Variants in TMTC2 observed in about 807,000 individuals in gnomAD.
The protein encoded by TMTC2 is protein O-mannosyl-transferase TMTC2.
TMTC2 carries 43 observed loss-of-function variants against 82.4 expected under a neutral mutation model. The ratio of observed to expected loss-of-function variants is 0.52; its 90% CI spans 0.41 to 0.67. The LOEUF (loss-of-function observed/expected upper bound fraction) is 0.67, where lower values mean the gene tolerates loss of function less well. TMTC2 is among the 30% of genes least tolerant of loss of function. The pLI, the probability that TMTC2 is intolerant of heterozygous loss-of-function variation, is 0.00. For missense variants in TMTC2, 919 were observed against 1,012.4 expected (o/e 0.91, Z 1.25); for synonymous variants, 408 against 381.9 (o/e 1.07, Z -0.80).
chr12:82,725,490 AG>A (rs1319901610), intron 1 of TMTC2, among the ~76,000 whole-genome samples: 2 of 152,250 alleles, frequency 1.3e-5, no homozygotes, highest in Non-Finnish European at 2.9e-5. Context: ...TATCATAAAA[AG>A]AAAAATAAAA....
chr12:83,025,645 A>G (rs2137413398), intron 8 of TMTC2, among the ~76,000 whole-genome samples: 1 of 152,182 alleles, frequency 6.6e-6, no homozygotes, highest in South Asian at 2.1e-4. Flanking sequence ...AGTCTCACAA[A>G]ACTGCTGCCC....
intron 3 of TMTC2, among the ~76,000 whole-genome samples, chr12:82,917,747 C>T (rs375378596): frequency 4.9e-4 from 75 of 151,814 alleles, no homozygotes; most frequent in Middle Eastern, 3.4e-3. Context: ...GACTACAGGC[C>T]CCTGCCACCA....
intron 8 of TMTC2, among the ~76,000 whole-genome samples, chr12:83,021,124 T>C (rs12303943): frequency 0.015 from 2,353 of 152,290 alleles, 61 homozygotes; most frequent in African/African-American, 0.054. Flanking sequence ...TGTAAGTGGG[T>C]AAGTTTTTTG....
chr12:83,089,240 G>A (rs766258370), intron 11 of TMTC2, among the ~76,000 whole-genome samples: 18 of 152,050 alleles, frequency 1.2e-4, no homozygotes, highest in Admixed American at 5.2e-4. Context: ...GCATCCGTTC[G>A]TTTGTACTAT....
Position 83,037,529 on chromosome 12 carries a change from G to T in TMTC2, c.2152+6650G>T, listed in dbSNP as rs375168815. On this transcript the variant is annotated intron_variant, in intron 9 of 11. Coordinates refer to ENST00000321196, the MANE Select transcript of TMTC2 (RefSeq NM_152588.3). ...TGTTTTTTAAAAAAATCAATGTTTAGTGTCCCTTTAATGCTCTAAGAAGAG... is the reference window on the plus strand; with the variant it reads ...TGTTTTTTAAAAAAATCAATGTTTATTGTCCCTTTAATGCTCTAAGAAGAG... Among the ~76,000 whole-genome samples the T allele has an allele frequency of 1.4e-4, 22 of 152,212 alleles. No individual in the cohort carries two copies. The South Asian group carries it at 4.6e-3, about 32-fold the overall frequency.
chr12:83,069,821 G>T (rs1883048203), intron 11 of TMTC2, among the ~76,000 whole-genome samples: 1 of 151,494 alleles, frequency 6.6e-6, no homozygotes, highest in Non-Finnish European at 1.5e-5. Flanking sequence ...TATAGTTTCA[G>T]GTCTTAGGTT....
chr12:83,078,945 A>G (rs2137501021), intron 11 of TMTC2, among the ~76,000 whole-genome samples: 1 of 152,302 alleles, frequency 6.6e-6, no homozygotes, highest in Admixed American at 6.5e-5. Flanking sequence ...TTATTTGGAA[A>G]GTAAATTGTT....
chr12:83,027,133 C>A (rs969733186), intron 8 of TMTC2, among the ~76,000 whole-genome samples: 2 of 151,956 alleles, frequency 1.3e-5, no homozygotes, highest in African/African-American at 4.8e-5. Flanking sequence ...TCAGACATGT[C>A]AACCAGTAAA....
chr12:82,722,789 T>G (rs1874275337), intron 1 of TMTC2, among the ~76,000 whole-genome samples: 2 of 152,126 alleles, frequency 1.3e-5, no homozygotes, highest in African/African-American at 2.4e-5. Context: ...CTCAGAATGC[T>G]GCTGCCTCAA....
chr12:82,937,922 AT>A (rs57555732), intron 4 of TMTC2, among the ~76,000 whole-genome samples: 14 of 131,438 alleles, frequency 1.1e-4, no homozygotes, highest in Non-Finnish European at 1.7e-4. Flanking sequence ...TTTTTTTTTT[AT>A]TTTTTTTTTT....
Position 82,758,580 on chromosome 12 carries a change from A to C in TMTC2, c.83+70911A>C, listed in dbSNP as rs898178431. 3.9e-5 allele frequency: 6 copies of C among 152,278 alleles called. No individual in the cohort carries two copies. In the East Asian group the frequency reaches 1.2e-3, roughly 29 times the overall value. 9.4% of individuals were successfully genotyped at this position (152,278 alleles called of 1,614,324 possible). On this transcript the variant is annotated intron_variant, in intron 1 of 11. Transcript: ENST00000321196. Reference sequence around the variant, plus strand: ...TCTAGAGTTATCAATCTGAATTATAAATTTTGTAAAATTATTCACAAAAGC... The same window carrying C: ...TCTAGAGTTATCAATCTGAATTATACATTTTGTAAAATTATTCACAAAAGC...
chr12:82,808,035 G>C (rs557438719), intron 1 of TMTC2, among the ~76,000 whole-genome samples: 24 of 151,682 alleles, frequency 1.6e-4, no homozygotes, highest in African/African-American at 5.6e-4. Flanking sequence ...TGCAGAAATT[G>C]GCATCTCTAG....
intron 1 of TMTC2, among the ~76,000 whole-genome samples, chr12:82,713,126 C>T (rs1165617411): frequency 3.9e-5 from 6 of 152,094 alleles, no homozygotes; most frequent in Admixed American, 2.6e-4. Flanking sequence ...TCGAGACCAG[C>T]GTGACCAACA....
At chr12:82,716,294 T>A (rs940409750) in intron 1 of TMTC2, among the ~76,000 whole-genome samples, 1 of 152,140 alleles carries the variant, frequency 6.6e-6, no homozygotes, top group Admixed American at 6.5e-5. Context: ...ATCATTATGC[T>A]ATTACCAGTC....
intron 10 of TMTC2, among the ~76,000 whole-genome samples, chr12:83,058,246 G>T: frequency 6.6e-6 from 1 of 151,810 alleles, no homozygotes; most frequent in East Asian, 1.9e-4. Flanking sequence ...TATGAGTTTT[G>T]TTATTGTCTG....
intron 3 of TMTC2, among the ~76,000 whole-genome samples, chr12:82,916,021 C>T (rs969065125): frequency 1.3e-5 from 2 of 152,014 alleles, no homozygotes; most frequent in African/African-American, 2.4e-5. Flanking sequence ...TAGAAAGACC[C>T]AGTATTTATG....
intron 1 of TMTC2, among the ~76,000 whole-genome samples, chr12:82,695,627 G>A (rs1229681274): frequency 1.3e-5 from 2 of 152,216 alleles, no homozygotes; most frequent in Non-Finnish European, 2.9e-5. Flanking sequence ...GATTAAATGT[G>A]AGTAAATAAA....
chr12:83,124,051 T>C (rs1221300451), intron 11 of TMTC2, among the ~76,000 whole-genome samples: 2 of 152,164 alleles, frequency 1.3e-5, no homozygotes, highest in East Asian at 1.9e-4. Flanking sequence ...ACTGCTTACA[T>C]TGATGCATGG....
At chr12:82,965,195 C>T (rs1223240299) in intron 5 of TMTC2, 86 bp downstream of exon 5, 10 of 978,162 alleles carry the variant, frequency 1.0e-5, no homozygotes, top group African/African-American at 9.8e-5. Flanking sequence ...TGAGAAAACA[C>T]TTGGTGCTCT....
Sources: gnomAD v4.1 joint callset for allele counts (sites outside exome capture counted in the v4.1 genomes callset) on GRCh38, gnomAD v4.1.1 for gene constraint, MANE v1.5 for transcripts, NCBI Gene and HGNC (gene_info 2026-07-23, HGNC 2026-07-21) for gene names.